Variants in CELF2 observed in about 807,000 individuals in gnomAD.
The protein encoded by CELF2 is CUG triplet repeat RNA-binding protein 2.
CELF2 carries 8 observed loss-of-function variants against 62.6 expected under a neutral mutation model. That is an observed-to-expected ratio of 0.13 (90% CI 0.07 to 0.23). CELF2 has a LOEUF of 0.23. CELF2 is among the 10% of genes least tolerant of loss of function. The pLI is 1.00. For synonymous variants in CELF2, 258 were observed against 250.0 expected, an observed-to-expected ratio of 1.03 and a Z score of -0.30; for missense variants, 333 against 671.0, an observed-to-expected ratio of 0.50 and a Z score of 5.56.
At chr10:10,660,914 T>C in the CELF2 span, among the ~76,000 whole-genome samples, 39 of 152,352 alleles carry the variant, frequency 2.6e-4, no homozygotes, top group African/African-American at 9.4e-4. Context: ...GCTAACATAT[T>C]GCCACCAATC....
intron 2 of CELF2, among the ~76,000 whole-genome samples, chr10:10,961,158 A>G (rs1032359203): frequency 6.6e-6 from 1 of 152,230 alleles, no homozygotes; most frequent in African/African-American, 2.4e-5. Context: ...TTTCCTAAAA[A>G]AAAGAGAAGA....
chr10:10,925,858 A>G lies in CELF2; in HGVS notation c.89+5859A>G, dbSNP rs976912918. Among the ~76,000 whole-genome samples, 4 of 152,138 alleles carry G rather than the reference A, an allele frequency of 2.6e-5. No individual in the cohort carries two copies. The South Asian group carries it at 8.3e-4, about 32-fold the overall frequency. ...TTTCACAACCCAACTTTCTACTCCC[A>G]GCGCCCAACCATCATACAGCACCCA... On this transcript the variant is annotated intron_variant, in intron 2 of 13. Transcript: ENST00000636488.
Position 11,314,845 on chromosome 10 carries a change from C to G in CELF2, c.1096+587C>G, listed in dbSNP as rs2094820844. ...AATGAAACTGAGGGGAGAGGAGCCA[C>G]TGCTGGCAGTGACATGATCAGAATC... On this transcript the variant is annotated intron_variant, in intron 10 of 12. Transcript: ENST00000633077. The surrounding 1 kb of genome is among the most constrained non-coding windows in gnomAD (Gnocchi z 5.3). 5.6e-6 allele frequency: 1 copy of G among 177,528 alleles called. No homozygotes were observed. Among genetic ancestry groups the G allele is most frequent in the African/African-American group, 2.4e-5 (1 of 41,780 alleles). The allele number at this position is 177,528 out of a possible 1,614,324, so 11.0% of individuals were successfully genotyped here.
At chr10:10,572,420 C>T in the CELF2 span, among the ~76,000 whole-genome samples, 6 of 151,800 alleles carry the variant, frequency 4.0e-5, no homozygotes, top group African/African-American at 4.8e-5. Flanking sequence ...TAAACGTGTG[C>T]CATGGTGGTT....
At chr10:10,599,725 C>CTTTTTTT in the CELF2 span, among the ~76,000 whole-genome samples, 33 of 134,566 alleles carry the variant, frequency 2.5e-4, 1 homozygote, top group Non-Finnish European at 2.8e-4. Flanking sequence ...TTCTTTCTTT[C>CTTTTTTT]TTTTTTTTTT....
chr10:10,550,517 A>T, the CELF2 span, among the ~76,000 whole-genome samples: 1 of 152,176 alleles, frequency 6.6e-6, no homozygotes, highest in African/African-American at 2.4e-5. Flanking sequence ...ACAGGAAGAA[A>T]CACTCAAATC....
chr10:11,113,358 C>T (rs898584865), intron 1 of CELF2, among the ~76,000 whole-genome samples: 1 of 152,126 alleles, frequency 6.6e-6, no homozygotes, highest in Non-Finnish European at 1.5e-5. Flanking sequence ...ATTACCACCA[C>T]TAGATGGTGC....
intron 2 of CELF2, among the ~76,000 whole-genome samples, chr10:11,202,435 T>C (rs1319701024): frequency 6.6e-6 from 1 of 152,188 alleles, no homozygotes; most frequent in African/African-American, 2.4e-5. Context: ...ATGGACACAG[T>C]ATGTGGAGTA....
chr10:10,854,326 G>T (rs2059576961), intron 1 of CELF2, among the ~76,000 whole-genome samples: 1 of 152,166 alleles, frequency 6.6e-6, no homozygotes, highest in Non-Finnish European at 1.5e-5. Context: ...TGTGAAAAGT[G>T]GCAAAGCCAG....
chr10:11,163,264 T>G (rs1441981874), intron 1 of CELF2, among the ~76,000 whole-genome samples: 1 of 152,210 alleles, frequency 6.6e-6, no homozygotes, highest in East Asian at 1.9e-4. Context: ...CAGCCCCATT[T>G]TTTGAACTTC....
At chr10:10,588,928 C>T in the CELF2 span, among the ~76,000 whole-genome samples, 4 of 152,138 alleles carry the variant, frequency 2.6e-5, no homozygotes, top group African/African-American at 7.2e-5. Flanking sequence ...TCAACTTACC[C>T]GGTCCTATAA....
intron 8 of CELF2, among the ~76,000 whole-genome samples, chr10:11,284,429 T>C (rs118200449): frequency 3.5e-5 from 5 of 141,126 alleles, no homozygotes; most frequent in East Asian, 2.2e-4. Context: ...GGTAGGTGGA[T>C]GATGGATGAG....
chr10:10,601,162 C>A, the CELF2 span, among the ~76,000 whole-genome samples: 1 of 152,220 alleles, frequency 6.6e-6, no homozygotes. Context: ...CTTCTTCATT[C>A]TCCAGGACTG....
At position 10,995,934 on chromosome 10, in the gene CELF2, CT is replaced by C. The variant is rs2053900820; in HGVS notation, c.89+75939del. On this transcript the variant is annotated intron_variant, in intron 2 of 13. Transcript: ENST00000636488. The surrounding 1 kb of genome is among the most constrained non-coding windows in gnomAD (Gnocchi z 4.7). ...TGGAATTAAAAATGAACATAAGACT[CT>C]TTTGATCTGGGTGCTGACTGCATGG... Among the ~76,000 whole-genome samples the C allele has an allele frequency of 6.6e-6, 1 of 152,164 alleles. No homozygotes were observed. The highest frequency in any genetic ancestry group is 2.4e-5 in the African/African-American group (1 of 41,442).
At chr10:10,801,114 A>G (rs955920688) in intron 1 of CELF2, among the ~76,000 whole-genome samples, 3 of 152,036 alleles carry the variant, frequency 2.0e-5, no homozygotes, top group Non-Finnish European at 4.4e-5. Flanking sequence ...TCCCCTAAAC[A>G]TGCCCCAAAT....
At chr10:10,592,354 T>C in the CELF2 span, among the ~76,000 whole-genome samples, 1 of 152,194 alleles carries the variant, frequency 6.6e-6, no homozygotes, top group African/African-American at 2.4e-5. Context: ...GTAGATTTTT[T>C]CTATCCAGTT....
chr10:10,725,896 A>AT, the CELF2 span, among the ~76,000 whole-genome samples: 4 of 151,158 alleles, frequency 2.6e-5, no homozygotes, highest in East Asian at 8.0e-4. Flanking sequence ...AAATTCTACA[A>AT]TTAAAAAAAA....
intron 1 of CELF2, among the ~76,000 whole-genome samples, chr10:10,867,262 G>C (rs2060449384): frequency 6.6e-6 from 1 of 152,210 alleles, no homozygotes; most frequent in African/African-American, 2.4e-5. Context: ...AGGTGGGTGT[G>C]AGCCAGCTCC....
chr10:11,249,789 T>A (rs2137329295), intron 4 of CELF2, among the ~76,000 whole-genome samples: 1 of 152,358 alleles, frequency 6.6e-6, no homozygotes, highest in Middle Eastern at 3.4e-3. Flanking sequence ...ACAATTGGGT[T>A]TTGCCTATTC....
Sources: allele counts gnomAD v4.1 joint callset (sites outside exome capture counted in the v4.1 genomes callset), GRCh38; gene constraint gnomAD v4.1.1; non-coding constraint Gnocchi (gnomAD v3.1); transcripts MANE v1.5; gene names NCBI Gene and HGNC (gene_info 2026-07-23, HGNC 2026-07-21).